The following LRP4 variants were observed in gnomAD, a reference collection of about 807,000 sequenced individuals.
The protein encoded by LRP4 is low-density lipoprotein receptor-related protein 4.
LRP4 carries 95 observed loss-of-function variants against 220.3 expected under a neutral mutation model. The observed-to-expected ratio is 0.43, with a 90% confidence interval of 0.37 to 0.51. The LOEUF (loss-of-function observed/expected upper bound fraction) is 0.51. LRP4 is among the 20% of genes least tolerant of loss of function. LRP4 has a pLI of 0.00. For missense variants in LRP4, 1,925 were observed against 2,567.0 expected (o/e 0.75, Z 5.40); for synonymous variants, 903 against 954.6 (o/e 0.95, Z 1.00).
Position 46,873,824 on chromosome 11 carries a change from A to C in LRP4, c.4230-231T>G, listed in dbSNP as rs1239811160. On this transcript the variant is annotated intron_variant, in intron 28 of 37. Transcript: ENST00000378623. This position sits in a 1 kb window ranked among gnomAD's most constrained non-coding sequence, Gnocchi z 4.2. ...ACACAGTATTTCCTGCTAACTGGAC[A>C]TAGTGGCGGTTGCCAGGGGATGTCT... is the stretch of plus-strand genomic sequence containing the variant. 1.9e-6 allele frequency: 1 copy of C among 531,264 alleles called. No homozygotes were observed. The allele number at this position is 531,264 out of a possible 1,614,324, so 32.9% of individuals were successfully genotyped here. A position where few individuals can be genotyped will look rare whatever the true frequency, so the allele number is the denominator to read the frequency against.
intron 34 of LRP4, 119 bp from the exon 35 acceptor site, chr11:46,865,305 A>AT: frequency 1.4e-6 from 1 of 739,336 alleles, no homozygotes; most frequent in Non-Finnish European, 2.5e-6. Context: ...AATGTACAAG[A>AT]TGGAAGACAT....
At chr11:46,913,911 AG>A (rs1357163288) in intron 1 of LRP4, among the ~76,000 whole-genome samples, 3 of 152,200 alleles carry the variant, frequency 2.0e-5, no homozygotes, top group Admixed American at 1.3e-4. Context: ...GGGAGAAAGA[AG>A]GGGCAGATCT....
chr11:46,911,619 TAA>T (rs1941861071), intron 1 of LRP4, among the ~76,000 whole-genome samples: 1 of 117,880 alleles, frequency 8.5e-6, no homozygotes, highest in Non-Finnish European at 1.8e-5. Context: ...TAAATAAAAA[TAA>T]AGTCTCTCTC....
chr11:46,885,310 T>C (rs1306843277), intron 18 of LRP4, among the ~76,000 whole-genome samples: 2 of 152,038 alleles, frequency 1.3e-5, no homozygotes, highest in African/African-American at 4.8e-5. Context: ...ATTCAGTAAG[T>C]CTAGGGTGGG....
At chr11:46,894,863 C>A (rs777033741) in intron 11 of LRP4, 44 bp from the exon 12 acceptor site, 1 of 1,532,018 alleles carries the variant, frequency 6.5e-7, no homozygotes, top group South Asian at 1.1e-5. Context: ...GGTTTCAGAG[C>A]CGCCCCTGGT....
chr11:46,873,183 G>A lies in LRP4; in HGVS notation c.4500C>T (p.Asn1500=), dbSNP rs369665635. 5 of 1,614,194 alleles carry A rather than the reference G, an allele frequency of 3.1e-6. No individual in the cohort carries two copies. The highest frequency in any genetic ancestry group is 4.2e-6 in the Non-Finnish European group (5 of 1,180,044). Residue 1500 remains asparagine (N), a synonymous_variant, in exon 30 of 38, where the codon AAC becomes AAT. Transcript: ENST00000378623. The surrounding 1 kb of genome is among the most constrained non-coding windows in gnomAD (Gnocchi z 4.2). ...WGHIAKIERA[N]LDGSERKVLI... ...GGACCTTCCGCTCAGAACCATCCAAGTTTGCCCGTTCGATCTTGGCAATGT... is the reference window on the plus strand; with the variant it reads ...GGACCTTCCGCTCAGAACCATCCAAATTTGCCCGTTCGATCTTGGCAATGT...
Position 46,862,606 on chromosome 11 carries a change from C to T in LRP4, c.5385G>A (p.Glu1795=). Residue 1795 remains glutamate, a splice_region_variant and synonymous_variant, in exon 37 of 38, where the codon GAG becomes GAA. Coordinates refer to ENST00000378623, the MANE Select transcript of LRP4 (RefSeq NM_002334.4). ...CTTGAATATAAATTTCAATTTTTACCTCTTTCTTATAGCACAGCTGGTTGT... is the reference window on the plus strand; with the variant it reads ...CTTGAATATAAATTTCAATTTTTACTTCTTTCTTATAGCACAGCTGGTTGT... ...AMYNQLCYKK[E]GGPDHNYTKE... The T allele has an allele frequency of 6.2e-7, 1 of 1,614,040 alleles. No individual in the cohort carries two copies. The highest frequency in any genetic ancestry group is 1.7e-5 in the Admixed American group (1 of 60,020).
At chr11:46,883,347 C>T (rs1941206373) in intron 19 of LRP4, among the ~76,000 whole-genome samples, 1 of 152,200 alleles carries the variant, frequency 6.6e-6, no homozygotes, top group Admixed American at 6.5e-5. Flanking sequence ...TGGGTTTACC[C>T]GAATGAGGGC....
In LRP4 at chr11:46,858,713, G is replaced by A; in HGVS notation, c.*270C>T. 2.0e-6 allele frequency: 1 copy of A among 494,892 alleles called. No homozygotes were observed. Among genetic ancestry groups the A allele is most frequent in the South Asian group, 2.0e-5 (1 of 49,818 alleles). The allele number at this position is 494,892 out of a possible 1,614,324, so 30.7% of individuals were successfully genotyped here. ...TACGCTGGTGAGGAATCACGAATAA[G>A]CAGTTTCAGGGGGCCCAGGATGGAG... is the stretch of plus-strand genomic sequence containing the variant. On this transcript the variant is annotated 3_prime_UTR_variant, in exon 38 of 38. Transcript: ENST00000378623.
At chr11:46,889,141 C>T (rs970333832) in intron 16 of LRP4, among the ~76,000 whole-genome samples, 1 of 152,224 alleles carries the variant, frequency 6.6e-6, no homozygotes, top group African/African-American at 2.4e-5. Flanking sequence ...ATAGAGAAGG[C>T]AATCCTGCCT....
At position 46,918,458 on chromosome 11, in the gene LRP4, C is replaced by A; in HGVS notation, c.-79G>T. 8.9e-7 allele frequency: 1 copy of A among 1,128,424 alleles called. No homozygotes were observed. Among genetic ancestry groups the A allele is most frequent in the South Asian group, 3.1e-5 (1 of 32,288 alleles). 69.9% of individuals were successfully genotyped at this position (1,128,424 alleles called of 1,614,324 possible). A position where few individuals can be genotyped will look rare whatever the true frequency, so the allele number is the denominator to read the frequency against. On this transcript the variant is annotated 5_prime_UTR_variant, in exon 1 of 38. Transcript: ENST00000378623. The surrounding 1 kb of genome is among the most constrained non-coding windows in gnomAD (Gnocchi z 6.0). ...GGCGGAGAAGCCCGCGGAGGGTCCC[C>A]GAGGGGGAAGCGTCCCGGGTGCACG...
rs1941497742 is a variant in LRP4, at chr11:46,895,118, T to C, written c.1309+48A>G. ...TGAGCACCAGAGTACCTGGCCTTCC[T>C]CCATGCTCGGCCCTCTGCCCACCCA... On this transcript the variant is annotated intron_variant, in intron 11 of 37. Transcript: ENST00000378623. 2.5e-6 allele frequency: 4 copies of C among 1,610,584 alleles called. No homozygotes were observed. The East Asian group carries it at 8.9e-5, about 36-fold the overall frequency.
intron 18 of LRP4, among the ~76,000 whole-genome samples, 174 bp from the exon 19 acceptor site, chr11:46,884,150 C>T (rs1168801003): frequency 6.6e-6 from 1 of 152,190 alleles, no homozygotes; most frequent in Non-Finnish European, 1.5e-5. Context: ...AGAAGAAATT[C>T]AAGGATGTGA....
rs1004935636 is a variant in LRP4 at position 46,873,333 on chromosome 11, C to A, written c.4448+42G>T. The A allele has an allele frequency of 6.2e-7, 1 of 1,612,472 alleles. No homozygotes were observed. On this transcript the variant is annotated intron_variant, in intron 29 of 37. Transcript: ENST00000378623. The surrounding 1 kb of genome is among the most constrained non-coding windows in gnomAD (Gnocchi z 4.2). ...CCACTAACACCATCTTTCCACCCAG[C>A]CCTTCTTCCCTGGATCTCTCTTCTG...
intron 2 of LRP4, among the ~76,000 whole-genome samples, chr11:46,901,508 C>T (rs1262059265): frequency 2.0e-5 from 3 of 152,190 alleles, no homozygotes; most frequent in Non-Finnish European, 4.4e-5. Flanking sequence ...TTATCATCAA[C>T]ACAATTAGCT....
intron 34 of LRP4, among the ~76,000 whole-genome samples, chr11:46,866,824 G>A (rs894399719): frequency 3.3e-5 from 5 of 152,078 alleles, no homozygotes; most frequent in Non-Finnish European, 5.9e-5. Context: ...GGTGGCTGAA[G>A]TAGGAGGATC....
At position 46,886,417 on chromosome 11, in the gene LRP4, G is replaced by A. The variant is rs775391288; in HGVS notation, c.2332C>T (p.Leu778Phe). 1 of 1,613,772 alleles carries A rather than the reference G, an allele frequency of 6.2e-7. No individual in the cohort carries two copies. Among genetic ancestry groups the A allele is most frequent in the Non-Finnish European group, 8.5e-7 (1 of 1,179,896 alleles). The change falls in exon 17 of 38, where the codon CTT becomes TTT. Residue 778 changes from leucine to phenylalanine, a missense_variant. Physicochemically the swap from Leu to Phe is conservative, Grantham distance 22. Around this residue, in one of 3 missense-constraint regions of LRP4, gnomAD observed 1,244 missense variants for 1,624.9 expected, o/e 0.77. Coordinates refer to ENST00000378623, the MANE Select transcript of LRP4 (RefSeq NM_002334.4). The part of the protein sequence containing the change: ...PLADVRSAVA[L>F]DWDSRDDHVY... ...TGGTCATCCCGGGAGTCCCAGTCAA[G>A]GGCCACAGCACTGCGCACGTCAGCC... is the stretch of plus-strand genomic sequence containing the variant.
At chr11:46,861,887 G>A (rs2134757611) in intron 37 of LRP4, among the ~76,000 whole-genome samples, 1 of 152,100 alleles carries the variant, frequency 6.6e-6, no homozygotes, top group Non-Finnish European at 1.5e-5. Context: ...TGGTCAACAT[G>A]GAGAAACCCT....
intron 1 of LRP4, among the ~76,000 whole-genome samples, chr11:46,916,968 G>C (rs1457519639): frequency 1.3e-5 from 2 of 152,208 alleles, no homozygotes; most frequent in African/African-American, 2.4e-5. Flanking sequence ...AGAGCGGAGC[G>C]GAACGTGGGC....
Sources: allele counts gnomAD v4.1 joint callset (sites outside exome capture counted in the v4.1 genomes callset), GRCh38; gene constraint gnomAD v4.1.1; regional missense constraint gnomAD v4.1.1; non-coding constraint Gnocchi (gnomAD v3.1); transcripts MANE v1.5; gene names NCBI Gene and HGNC (gene_info 2026-07-23, HGNC 2026-07-21).